CDK8: variants seen among roughly 807,000 people sequenced by gnomAD.
The protein encoded by CDK8 is cyclin dependent kinase 8.
A neutral mutation model predicts 71.5 loss-of-function variants in CDK8; 29 were observed. The ratio of observed to expected loss-of-function variants is 0.41; its 90% CI spans 0.30 to 0.55. The LOEUF is 0.55. Among genes scored for constraint, CDK8 ranks in the 20% least tolerant of loss-of-function variants. CDK8 has a pLI of 0.37. For synonymous variants in CDK8, 161 were observed against 192.1 expected, an observed-to-expected ratio of 0.84 and a Z score of 1.34; for missense variants, 288 against 572.6, an observed-to-expected ratio of 0.50 and a Z score of 5.07.
chr13:26,342,007 G>A (rs896950797), intron 2 of CDK8, among the ~76,000 whole-genome samples: 4 of 151,808 alleles, frequency 2.6e-5, no homozygotes, highest in Non-Finnish European at 5.9e-5. Flanking sequence ...TGCAACCTCC[G>A]CCTCCCGTGT....
chr13:26,324,822 G>A, intron 1 of CDK8: 1 of 883,112 alleles, frequency 1.1e-6, no homozygotes, highest in Non-Finnish European at 1.4e-6. Context: ...AGACTGATTG[G>A]TAAGTAATTT....
At chr13:26,354,051 C>T (rs1255129623) in intron 4 of CDK8, among the ~76,000 whole-genome samples, 171 bp downstream of exon 4, 1 of 152,146 alleles carries the variant, frequency 6.6e-6, no homozygotes, top group Non-Finnish European at 1.5e-5. Flanking sequence ...ATGCCTCCTG[C>T]TTCTCTGACA....
At chr13:26,324,716 A>G (rs974886812) in intron 1 of CDK8, 48 of 282,500 alleles carry the variant, frequency 1.7e-4, no homozygotes, top group African/African-American at 8.2e-4. Flanking sequence ...TAAATGATCA[A>G]TGTCAAAATA....
At chr13:26,256,075 A>C (rs1281748159) in intron 1 of CDK8, among the ~76,000 whole-genome samples, 1 of 152,168 alleles carries the variant, frequency 6.6e-6, no homozygotes, top group East Asian at 1.9e-4. Flanking sequence ...TAGAATGTGT[A>C]TTTTAGTGCT....
At chr13:26,379,399 C>A (rs1875108913) in intron 4 of CDK8, among the ~76,000 whole-genome samples, 1 of 152,160 alleles carries the variant, frequency 6.6e-6, no homozygotes, top group Non-Finnish European at 1.5e-5. Flanking sequence ...CGGACCTTGA[C>A]AAAGATACTA....
intron 4 of CDK8, among the ~76,000 whole-genome samples, chr13:26,368,314 C>T (rs1874487482): frequency 6.6e-6 from 1 of 152,204 alleles, no homozygotes; most frequent in Admixed American, 6.5e-5. Flanking sequence ...CTAATAACTA[C>T]AAACAAAATG....
intron 9 of CDK8, 45 bp downstream of exon 9, chr13:26,397,270 A>T (rs777758711): frequency 2.4e-6 from 3 of 1,260,250 alleles, no homozygotes; most frequent in Non-Finnish European, 3.4e-6. Context: ...TTTTTCCTTA[A>T]TTGACTAGCC....
chr13:26,270,389 CA>C (rs58365823), intron 1 of CDK8, among the ~76,000 whole-genome samples: 1,475 of 127,906 alleles, frequency 0.012, 12 homozygotes, highest in East Asian at 0.038. Context: ...AACTCTGTCT[CA>C]AAAAAAAAAA....
chr13:26,392,859 C>T (rs1565997678), intron 6 of CDK8, among the ~76,000 whole-genome samples: 1 of 152,016 alleles, frequency 6.6e-6, no homozygotes, highest in Admixed American at 6.6e-5. Context: ...ATTATTAGAC[C>T]TTGCAAATTA....
chr13:26,340,803 C>G (rs577251304), intron 2 of CDK8, among the ~76,000 whole-genome samples: 1 of 152,274 alleles, frequency 6.6e-6, no homozygotes, highest in South Asian at 2.1e-4. Context: ...TAATGCGTTT[C>G]TTCCCCAGTT....
intron 1 of CDK8, among the ~76,000 whole-genome samples, chr13:26,259,750 G>A (rs1380584074): frequency 6.6e-6 from 1 of 152,116 alleles, no homozygotes; most frequent in Non-Finnish European, 1.5e-5. Context: ...TACTTTTACT[G>A]TGTCTTTGAA....
intron 2 of CDK8, among the ~76,000 whole-genome samples, chr13:26,341,518 T>G (rs954704525): frequency 1.3e-5 from 2 of 152,264 alleles, no homozygotes; most frequent in East Asian, 3.8e-4. Context: ...ATTGTTTTCC[T>G]TATTTTTTTA....
intron 4 of CDK8, among the ~76,000 whole-genome samples, chr13:26,360,685 C>G (rs1303257128): frequency 2.0e-5 from 3 of 152,144 alleles, no homozygotes; most frequent in Non-Finnish European, 4.4e-5. Flanking sequence ...TTTGTGTATA[C>G]AATATTGCAT....
intron 4 of CDK8, among the ~76,000 whole-genome samples, chr13:26,374,130 G>A (rs1343559051): frequency 6.6e-6 from 1 of 151,962 alleles, no homozygotes; most frequent in African/African-American, 2.4e-5. Context: ...GAACCTGGGA[G>A]GCGGAGCTTG....
chr13:26,297,577 G>A (rs1873617013), intron 1 of CDK8, among the ~76,000 whole-genome samples: 1 of 152,076 alleles, frequency 6.6e-6, no homozygotes, highest in Admixed American at 6.6e-5. Flanking sequence ...AGAGACGTGA[G>A]TATAAGGAGT....
At chr13:26,363,378 G>A (rs1309409117) in intron 4 of CDK8, among the ~76,000 whole-genome samples, 3 of 147,828 alleles carry the variant, frequency 2.0e-5, no homozygotes, top group Non-Finnish European at 3.0e-5. Context: ...AGCCATCGTC[G>A]GTTGGCCACT....
intron 6 of CDK8, among the ~76,000 whole-genome samples, chr13:26,393,039 A>G (rs1030575417): frequency 6.6e-6 from 1 of 152,184 alleles, no homozygotes; most frequent in Non-Finnish European, 1.5e-5. Flanking sequence ...CAGAAAAGGT[A>G]TCACCTGGAC....
At chr13:26,295,903 A>G (rs1219158432) in intron 1 of CDK8, among the ~76,000 whole-genome samples, 1 of 152,168 alleles carries the variant, frequency 6.6e-6, no homozygotes, top group Admixed American at 6.5e-5. Context: ...CTTCGTAAGC[A>G]TTAGAGATTC....
At chr13:26,339,057 A>G (rs556964292) in intron 2 of CDK8, among the ~76,000 whole-genome samples, 4 of 152,252 alleles carry the variant, frequency 2.6e-5, no homozygotes, top group African/African-American at 7.2e-5. Flanking sequence ...AAATACAGAA[A>G]GAAGTATGAA....
Sources: allele counts gnomAD v4.1 joint callset (sites outside exome capture counted in the v4.1 genomes callset), GRCh38; gene constraint gnomAD v4.1.1; transcripts MANE v1.5; gene names NCBI Gene and HGNC (gene_info 2026-07-23, HGNC 2026-07-21).